INPP4B: variants seen among roughly 807,000 people sequenced by gnomAD.
The protein encoded by INPP4B is inositol polyphosphate-4-phosphatase type II B.
INPP4B carries 55 observed loss-of-function variants against 122.5 expected under a neutral mutation model. The observed-to-expected ratio is 0.45, with a 90% CI of 0.36 to 0.56. The LOEUF is 0.56. Among genes scored for constraint, INPP4B ranks in the 20% least tolerant of loss-of-function variants. INPP4B has a pLI of 0.00. For missense variants in INPP4B, 1,000 were observed against 1,097.7 expected (o/e 0.91, Z 1.26); for synonymous variants, 403 against 388.7 (o/e 1.04, Z -0.43).
At chr4:142,598,553 G>A (rs998363954) in intron 2 of INPP4B, among the ~76,000 whole-genome samples, 2 of 152,154 alleles carry the variant, frequency 1.3e-5, no homozygotes, top group Non-Finnish European at 2.9e-5. Flanking sequence ...ACCCAAGGAT[G>A]CTGGAGAGCC....
intron 21 of INPP4B, among the ~76,000 whole-genome samples, chr4:142,121,499 C>T (rs1180759150): frequency 6.6e-6 from 1 of 152,066 alleles, no homozygotes; most frequent in Non-Finnish European, 1.5e-5. Context: ...GTTTGGACCT[C>T]TGATTGAGAC....
chr4:142,830,065 G>C (rs370171835), intron 1 of INPP4B, among the ~76,000 whole-genome samples: 2 of 152,152 alleles, frequency 1.3e-5, no homozygotes, highest in Non-Finnish European at 2.9e-5. Context: ...CTGCAGAAGA[G>C]AGAGATGTAT....
At chr4:142,108,633 G>A (rs751808515) in intron 22 of INPP4B, among the ~76,000 whole-genome samples, 1 of 152,118 alleles carries the variant, frequency 6.6e-6, no homozygotes, top group Admixed American at 6.5e-5. Flanking sequence ...TGGGCTGCAC[G>A]CAGTCTTGCC....
intron 9 of INPP4B, among the ~76,000 whole-genome samples, chr4:142,300,905 G>A (rs540561981): frequency 1.1e-4 from 17 of 152,184 alleles, no homozygotes; most frequent in Non-Finnish European, 1.8e-4. Context: ...AAGAAAAAGT[G>A]TTATCACATT....
chr4:142,631,913 A>T (rs1290221794), intron 2 of INPP4B, among the ~76,000 whole-genome samples: 3 of 152,188 alleles, frequency 2.0e-5, no homozygotes, highest in African/African-American at 7.2e-5. Context: ...ACTTACAGAC[A>T]GAAGCATGGT....
chr4:142,362,272 G>A (rs138020620), intron 7 of INPP4B, among the ~76,000 whole-genome samples: 1 of 152,104 alleles, frequency 6.6e-6, no homozygotes, highest in Non-Finnish European at 1.5e-5. Flanking sequence ...AATATATCAT[G>A]TCTTTTGTTC....
intron 17 of INPP4B, among the ~76,000 whole-genome samples, chr4:142,148,917 T>G (rs111240388): frequency 3.3e-5 from 5 of 152,364 alleles, no homozygotes; most frequent in African/African-American, 1.2e-4. Context: ...CAGTCTCTTC[T>G]GTGTTACTAA....
At chr4:142,596,417 C>A (rs76693101) in intron 2 of INPP4B, among the ~76,000 whole-genome samples, 2 of 152,088 alleles carry the variant, frequency 1.3e-5, no homozygotes, top group East Asian at 1.9e-4. Context: ...CAGAATGAAG[C>A]CTTCAGTAGC....
At chr4:142,039,491 C>G (rs779421782) in intron 25 of INPP4B, among the ~76,000 whole-genome samples, 5 of 151,792 alleles carry the variant, frequency 3.3e-5, no homozygotes, top group Non-Finnish European at 7.4e-5. Context: ...CAGAGGATGT[C>G]TAAACATTGC....
intron 1 of INPP4B, among the ~76,000 whole-genome samples, chr4:142,762,160 T>A (rs1454526313): frequency 6.6e-6 from 1 of 152,116 alleles, no homozygotes; most frequent in Non-Finnish European, 1.5e-5. Context: ...ACACTCTACA[T>A]GTCTGTGTTA....
chr4:142,336,935 C>A (rs1776819007), intron 7 of INPP4B, among the ~76,000 whole-genome samples: 2 of 152,214 alleles, frequency 1.3e-5, no homozygotes, highest in Non-Finnish European at 2.9e-5. Flanking sequence ...CCCCAGTATT[C>A]TCCACTAGAG....
intron 2 of INPP4B, among the ~76,000 whole-genome samples, chr4:142,634,204 C>G (rs546433961): frequency 7.2e-5 from 11 of 151,874 alleles, no homozygotes; most frequent in Non-Finnish European, 1.5e-4. Flanking sequence ...CAAATTAGAC[C>G]CATAATAAAA....
At chr4:142,155,397 T>C (rs1042642358) in intron 17 of INPP4B, among the ~76,000 whole-genome samples, 5 of 152,104 alleles carry the variant, frequency 3.3e-5, no homozygotes, top group African/African-American at 1.2e-4. Context: ...ACAAGAGAAG[T>C]TGGGAATATA....
intron 2 of INPP4B, among the ~76,000 whole-genome samples, chr4:142,557,765 T>G (rs1435748759): frequency 6.6e-6 from 1 of 152,192 alleles, no homozygotes; most frequent in South Asian, 2.1e-4. Flanking sequence ...ATATTCCATA[T>G]AAAAAGGAAT....
At chr4:142,102,359 AG>A (rs1192291444) in intron 23 of INPP4B, among the ~76,000 whole-genome samples, 1 of 152,050 alleles carries the variant, frequency 6.6e-6, no homozygotes, top group African/African-American at 2.4e-5. Flanking sequence ...ATTATATTTA[AG>A]GGTTATATGT....
At chr4:142,193,797 G>A (rs760038259) in intron 14 of INPP4B, among the ~76,000 whole-genome samples, 231 of 152,214 alleles carry the variant, frequency 1.5e-3, no homozygotes, top group Non-Finnish European at 2.2e-3. Context: ...TTTCTAGTAA[G>A]ACACTTTGTT....
Position 142,823,046 on chromosome 4 carries a change from T to C in INPP4B, c.-254+23163A>G, listed in dbSNP as rs372920487. ...TAGCAAAGGACAAACAAAAGAGCTC[T>C]GGAGGGTGACACACTGGCAGTAAAA... On this transcript the variant is annotated intron_variant, in intron 1 of 25. Coordinates refer to ENST00000262992, the MANE Select transcript of INPP4B (RefSeq NM_001101669.3). Among the ~76,000 whole-genome samples the C allele has an allele frequency of 7.6e-4, 115 of 152,204 alleles. No homozygotes were observed. In the South Asian group the frequency reaches 0.023, roughly 31 times the overall value.
At chr4:142,729,046 A>G (rs1167339074) in intron 1 of INPP4B, among the ~76,000 whole-genome samples, 1 of 152,182 alleles carries the variant, frequency 6.6e-6, no homozygotes, top group Non-Finnish European at 1.5e-5. Context: ...ATGGTTTCCA[A>G]ATGAAACCAT....
intron 18 of INPP4B, among the ~76,000 whole-genome samples, chr4:142,127,887 G>T (rs534229366): frequency 1.3e-5 from 2 of 152,240 alleles, no homozygotes; most frequent in South Asian, 4.1e-4. Flanking sequence ...TATGCAGTCA[G>T]TGTAAATCTC....
Sources: allele counts gnomAD v4.1 joint callset (sites outside exome capture counted in the v4.1 genomes callset), GRCh38; gene constraint gnomAD v4.1.1; transcripts MANE v1.5; gene names NCBI Gene and HGNC (gene_info 2026-07-23, HGNC 2026-07-21).